Variants in NEFM observed in about 807,000 individuals in gnomAD.
NEFM encodes neurofilament medium chain, also known as neurofilament medium polypeptide.
A neutral mutation model predicts 48.1 loss-of-function variants in NEFM; 16 were observed. The ratio of observed to expected loss-of-function variants is 0.33; its 90% CI spans 0.23 to 0.51. The LOEUF (loss-of-function observed/expected upper bound fraction) is 0.51. Ranked by LOEUF, NEFM falls within the 20% of genes least tolerant of loss-of-function variation. NEFM has a pLI of 0.98. For synonymous variants in NEFM, 465 were observed against 456.9 expected (o/e 1.02, Z -0.23); for missense variants, 1,107 against 1,136.0 (o/e 0.97, Z 0.37).
intron 1 of NEFM, 124 bp downstream of exon 1, chr8:24,914,997 C>G (rs1802551382): frequency 1.4e-6 from 2 of 1,414,242 alleles, no homozygotes; most frequent in Non-Finnish European, 1.8e-6. Flanking sequence ...AGAGCACGCG[C>G]GCCGCAGACC....
In NEFM at chr8:24,918,517, G is replaced by A. The variant is rs1802617758; in HGVS notation, c.2662G>A (p.Glu888Lys). 17 of 1,613,914 alleles carry A rather than the reference G, an allele frequency of 1.1e-5. No homozygotes were observed. In the East Asian group the frequency reaches 1.1e-4, roughly 11 times the overall value. ...TVTQKVEEHE[E>K]TFEEKLVSTK... Reference sequence around the variant, plus strand: ...CACTCAAAAGGTTGAAGAGCATGAAGAGACCTTTGAGGAGAAACTAGTGTC... The same window carrying A: ...CACTCAAAAGGTTGAAGAGCATGAAAAGACCTTTGAGGAGAAACTAGTGTC... Residue 888 changes from glutamate to lysine, a missense_variant, in exon 3 of 3, where the codon GAG becomes AAG. By Grantham distance (56) the Glu-to-Lys change is moderately conservative (BLOSUM62 1). This residue lies in a region of NEFM where 917 missense variants were observed against 916.4 expected (regional missense o/e 1.00). Transcript: ENST00000221166.
Position 24,914,530 on chromosome 8 carries a change from TGGCCCAGATCCA to T in NEFM, c.741_752del (p.Gln248_Ala251del). 2.5e-6 allele frequency: 4 copies of T among 1,614,036 alleles called. No individual in the cohort carries two copies. Among genetic ancestry groups the T allele is most frequent in the Non-Finnish European group, 3.4e-6 (4 of 1,180,000 alleles). ...CACGAGGAGGAGGTGGCCGACCTTC[TGGCCCAGATCCA>T]GGCATCGCACATCACGGTGGAGCGC... is the stretch of plus-strand genomic sequence containing the variant. On this transcript the variant is annotated inframe_deletion, in exon 1 of 3. Coordinates refer to ENST00000221166, the MANE Select transcript of NEFM (RefSeq NM_005382.2).
chr8:24,919,011 ACATG>A lies in NEFM; in HGVS notation c.*408_*411del. On this transcript the variant is annotated 3_prime_UTR_variant, in exon 3 of 3. Coordinates refer to ENST00000221166, the MANE Select transcript of NEFM (RefSeq NM_005382.2). ...TTTTGTTCATGGGAGAACCTCGTTG[ACATG>A]CACAGTTTGCAATCTTATGTTGATC... is the stretch of plus-strand genomic sequence containing the variant. The A allele has an allele frequency of 4.1e-6, 1 of 245,256 alleles. No homozygotes were observed. The highest frequency in any genetic ancestry group is 5.9e-5 in the South Asian group (1 of 17,020). The allele number at this position is 245,256 out of a possible 1,614,324, so 15.2% of individuals were successfully genotyped here.
At chr8:24,915,951 T>A (rs1802567253) in intron 2 of NEFM, among the ~76,000 whole-genome samples, 1 of 152,214 alleles carries the variant, frequency 6.6e-6, no homozygotes, top group African/African-American at 2.4e-5. Flanking sequence ...AAACAAAAGG[T>A]TTTTGAATTA....
chr8:24,914,670 A>G lies in NEFM; in HGVS notation c.877A>G (p.Lys293Glu), dbSNP rs1355662804. 7 of 1,614,088 alleles carry G rather than the reference A, an allele frequency of 4.3e-6. No individual in the cohort carries two copies. Among genetic ancestry groups the G allele is most frequent in the Non-Finnish European group, 5.9e-6 (7 of 1,180,054 alleles). The change falls in exon 1 of 3, where the codon AAA becomes GAA. Residue 293 changes from lysine (K) to glutamate (E), a missense_variant. This residue lies in a region of NEFM where 917 missense variants were observed against 916.4 expected (regional missense o/e 1.00). Transcript: ENST00000221166. ...QNMHQAEEWF[K>E]CRYAKLTEAA... ...TATGCACCAGGCCGAAGAGTGGTTC[A>G]AATGCCGCTACGCCAAGCTCACCGA...
intron 2 of NEFM, among the ~76,000 whole-genome samples, chr8:24,916,692 TTTTTTG>T (rs941702633): frequency 6.6e-6 from 1 of 152,160 alleles, no homozygotes; most frequent in African/African-American, 2.4e-5. Flanking sequence ...GGCTTTTTGT[TTTTTTG>T]TTTTTGTTTT....
chr8:24,915,407 C>A, intron 1 of NEFM, 198 bp from the exon 2 acceptor site: 1 of 982,170 alleles, frequency 1.0e-6, no homozygotes, highest in Non-Finnish European at 1.4e-6. Context: ...TCTTACTGAT[C>A]TTGTATGTTC....
In NEFM at chr8:24,918,414, G is replaced by A. The variant is rs771737027; in HGVS notation, c.2559G>A (p.Val853=). 16 of 1,614,066 alleles carry A rather than the reference G, an allele frequency of 9.9e-6. No individual in the cohort carries two copies. The highest frequency in any genetic ancestry group is 1.4e-5 in the Non-Finnish European group (16 of 1,180,022). ...KGGDKSEEKV[V]VTKTVEKITS... Reference sequence around the variant, plus strand: ...GTGATAAAAGTGAGGAGAAAGTGGTGGTGACCAAAACGGTAGAAAAAATCA... The same window carrying A: ...GTGATAAAAGTGAGGAGAAAGTGGTAGTGACCAAAACGGTAGAAAAAATCA... The change falls in exon 3 of 3, where the codon GTG becomes GTA. Residue 853 remains valine (V), a synonymous_variant. Transcript: ENST00000221166.
Position 24,914,256 on chromosome 8 carries a change from C to T in NEFM, c.463C>T (p.Arg155Cys). Reference protein sequence around the residue: ...QLGDAYDQEIRELRATLEMVN... With the variant: ...QLGDAYDQEICELRATLEMVN... ...GGGCGACGCGTACGACCAGGAGATC[C>T]GCGAGCTGCGCGCCACCCTGGAGAT... Residue 155 changes from arginine to cysteine, a missense_variant, in exon 1 of 3, where the codon CGC becomes TGC. By Grantham distance (180) the Arg-to-Cys change is radical. This residue lies in a region of NEFM where 4 missense variants were observed against 19.0 expected (regional missense o/e 0.21). Coordinates refer to ENST00000221166, the MANE Select transcript of NEFM (RefSeq NM_005382.2). 1.2e-6 allele frequency: 2 copies of T among 1,610,976 alleles called. No individual in the cohort carries two copies. Among genetic ancestry groups the T allele is most frequent in the African/African-American group, 1.3e-5 (1 of 75,000 alleles).
Position 24,914,066 on chromosome 8 carries a change from C to A in NEFM, c.273C>A (p.Gly91=). 3 of 1,612,816 alleles carry A rather than the reference C, an allele frequency of 1.9e-6. No homozygotes were observed. Among genetic ancestry groups the A allele is most frequent in the Non-Finnish European group, 2.5e-6 (3 of 1,179,930 alleles). ...TGCTCAACGGCGGCTCCGGACCCGG[C>A]GGCGACTACAAGCTGTCCCGCTCCA... ...SSLLNGGSGP[G]GDYKLSRSNE... The change falls in exon 1 of 3, where the codon GGC becomes GGA. Residue 91 remains glycine (G), a synonymous_variant. Transcript: ENST00000221166.
In NEFM at chr8:24,914,729, C is replaced by T; in HGVS notation, c.936C>T (p.Ser312=). 1 of 1,613,840 alleles carries T rather than the reference C, an allele frequency of 6.2e-7. No individual in the cohort carries two copies. Among genetic ancestry groups the T allele is most frequent in the South Asian group, 1.1e-5 (1 of 91,070 alleles). ...AGCAGAACAAGGAGGCCATCCGCTCCGCCAAGGAAGAGATCGCCGAGTACC... is the reference window on the plus strand; with the variant it reads ...AGCAGAACAAGGAGGCCATCCGCTCTGCCAAGGAAGAGATCGCCGAGTACC... ...AAEQNKEAIR[S]AKEEIAEYRR... is the part of the protein sequence containing the mutation. Residue 312 remains serine, a synonymous_variant, in exon 1 of 3, where the codon TCC becomes TCT. Transcript: ENST00000221166.
intron 1 of NEFM, chr8:24,915,277 G>C: frequency 1.6e-6 from 2 of 1,278,328 alleles, no homozygotes; most frequent in South Asian, 3.6e-5. Context: ...CAGCCCAAAG[G>C]GCTCAGATGG....
At chr8:24,915,999 T>TA (rs752796120) in intron 2 of NEFM, among the ~76,000 whole-genome samples, 5 of 152,252 alleles carry the variant, frequency 3.3e-5, no homozygotes, top group Non-Finnish European at 4.4e-5. Flanking sequence ...TGCACATGCT[T>TA]AAACTTTTTA....
chr8:24,913,993 T>C lies in NEFM; in HGVS notation c.200T>C (p.Met67Thr), dbSNP rs772146838. Residue 67 changes from methionine (M) to threonine (T), a missense_variant, in exon 1 of 3, where the codon ATG becomes ACG. Transcript: ENST00000221166. ...CCGCGCCTCGCTTACAGCTCGGCCA[T>C]GCTCAGCTCCGCCGAGAGCAGCCTT... The part of the protein sequence containing the change: ...LAPRLAYSSA[M>T]LSSAESSLDF... The C allele has an allele frequency of 3.7e-6, 6 of 1,611,320 alleles. No homozygotes were observed. In the African/African-American group the frequency reaches 6.7e-5, roughly 18 times the overall value.
rs201520929 is a variant in NEFM at position 24,918,002 on chromosome 8, A to G, written c.2147A>G (p.Glu716Gly). ...EKEVKEAPKE[E>G]KVEKKEEKPK... is the part of the protein sequence containing the mutation. ...GAAGTCAAGGAAGCTCCCAAGGAAGAGAAGGTAGAGAAAAAGGAAGAGAAA... is the reference window on the plus strand; with the variant it reads ...GAAGTCAAGGAAGCTCCCAAGGAAGGGAAGGTAGAGAAAAAGGAAGAGAAA... The change falls in exon 3 of 3, where the codon GAG becomes GGG. Residue 716 changes from glutamate to glycine, a missense_variant. Glu to Gly is a moderately conservative substitution (Grantham distance 98). Coordinates refer to ENST00000221166, the MANE Select transcript of NEFM (RefSeq NM_005382.2). 1.0e-4 allele frequency: 160 copies of G among 1,594,812 alleles called. No homozygotes were observed. Among genetic ancestry groups the G allele is most frequent in the Non-Finnish European group, 1.3e-4 (154 of 1,169,756 alleles).
Position 24,918,844 on chromosome 8 carries a change from G to T in NEFM, c.*238G>T. 1.9e-6 allele frequency: 1 copy of T among 529,982 alleles called. No individual in the cohort carries two copies. Among genetic ancestry groups the T allele is most frequent in the Non-Finnish European group, 3.4e-6 (1 of 296,154 alleles). The allele number at this position is 529,982 out of a possible 1,614,324, so 32.8% of individuals were successfully genotyped here. ...CCGATTTCCTAAGCTGTTGGAAGGG[G>T]GTCACTTAAGGGGGGATGTCTTGAG... On this transcript the variant is annotated 3_prime_UTR_variant, in exon 3 of 3. Coordinates refer to ENST00000221166, the MANE Select transcript of NEFM (RefSeq NM_005382.2).
In NEFM at chr8:24,914,469, T is replaced by C. The variant is rs1203461896; in HGVS notation, c.676T>C (p.Ser226Pro). Reference protein sequence around the residue: ...VKVELDKKVQSLQDEVAFLRS... With the variant: ...VKVELDKKVQPLQDEVAFLRS... The stretch of plus-strand genomic sequence containing the variant: ...GGTGGAGCTGGACAAGAAGGTGCAG[T>C]CGCTGCAGGATGAGGTGGCCTTCCT... The change falls in exon 1 of 3, where the codon TCG (serine) becomes CCG (proline). Residue 226 changes from serine to proline, a missense_variant. Physicochemically the swap from Ser to Pro is moderately conservative, Grantham distance 74. Around this residue, in one of 3 missense-constraint regions of NEFM, gnomAD observed 917 missense variants for 916.4 expected, o/e 1.00. Coordinates refer to ENST00000221166, the MANE Select transcript of NEFM (RefSeq NM_005382.2). 1 of 1,613,744 alleles carries C rather than the reference T, an allele frequency of 6.2e-7. No individual in the cohort carries two copies. The highest frequency in any genetic ancestry group is 8.5e-7 in the Non-Finnish European group (1 of 1,179,988).
chr8:24,918,732 G>C lies in NEFM; in HGVS notation c.*126G>C. ...CATTGTATTTTACTTTGTGCAATATGAGGGGACTGCATGCAAGCTCAGGGT... is the reference window on the plus strand; with the variant it reads ...CATTGTATTTTACTTTGTGCAATATCAGGGGACTGCATGCAAGCTCAGGGT... On this transcript the variant is annotated 3_prime_UTR_variant, in exon 3 of 3. Transcript: ENST00000221166. 1.3e-6 allele frequency: 1 copy of C among 779,520 alleles called. No homozygotes were observed. The highest frequency in any genetic ancestry group is 1.4e-5 in the South Asian group (1 of 70,860). 48.3% of individuals were successfully genotyped at this position (779,520 alleles called of 1,614,324 possible).
In NEFM at chr8:24,917,632, G is replaced by A. The variant is rs201212373; in HGVS notation, c.1777G>A (p.Glu593Lys). 140 of 1,612,932 alleles carry A rather than the reference G, an allele frequency of 8.7e-5. No homozygotes were observed. The highest frequency in any genetic ancestry group is 1.1e-4 in the Non-Finnish European group (133 of 1,179,882). The stretch of plus-strand genomic sequence containing the variant: ...GGAAAAGAAAGTGGAGGAAAAGAGT[G>A]AGGAAGTGGCTACCAAGGAGGAGCT... ...KEEKKVEEKS[E>K]EVATKEELVA... is the part of the protein sequence containing the mutation. The change falls in exon 3 of 3, where the codon GAG (glutamate) becomes AAG (lysine). Residue 593 changes from glutamate to lysine, a missense_variant. By Grantham distance (56) the Glu-to-Lys change is moderately conservative. This residue lies in a region of NEFM where 917 missense variants were observed against 916.4 expected (regional missense o/e 1.00). Transcript: ENST00000221166.
Sources: gnomAD v4.1 joint callset for allele counts (sites outside exome capture counted in the v4.1 genomes callset) on GRCh38, gnomAD v4.1.1 for gene constraint, gnomAD v4.1.1 regional missense constraint, MANE v1.5 for transcripts, NCBI Gene and HGNC (gene_info 2026-07-23, HGNC 2026-07-21) for gene names.